Variants in PGM2 observed in about 807,000 individuals in gnomAD.
PGM2 encodes phosphopentomutase.
A neutral mutation model predicts 74.6 loss-of-function variants in PGM2; 57 were observed. The observed-to-expected ratio is 0.76, with a 90% CI of 0.62 to 0.95. The LOEUF (loss-of-function observed/expected upper bound fraction) is 0.95. Ranked by LOEUF, PGM2 falls within the 40% of genes least tolerant of loss-of-function variation. PGM2 has a pLI of 0.00. For missense variants in PGM2, 706 were observed against 741.9 expected (o/e 0.95, Z 0.56); for synonymous variants, 273 against 260.7 (o/e 1.05, Z -0.46).
chr4:37,853,918 A>G (rs1427541129), intron 12 of PGM2, among the ~76,000 whole-genome samples: 2 of 152,206 alleles, frequency 1.3e-5, no homozygotes, highest in Admixed American at 1.3e-4. Flanking sequence ...GCTCAGGGCA[A>G]GGAACCGGGA....
rs1577686936 is a variant in PGM2 at position 37,861,393 on chromosome 4, T to C, written c.1737-117T>C. 7 of 634,556 alleles carry C rather than the reference T, an allele frequency of 1.1e-5. No homozygotes were observed. In the East Asian group the frequency reaches 1.8e-4, roughly 16 times the overall value. 39.3% of individuals were successfully genotyped at this position (634,556 alleles called of 1,614,324 possible). A position where few individuals can be genotyped will look rare whatever the true frequency, so the allele number is the denominator to read the frequency against. On this transcript the variant is annotated intron_variant, in intron 13 of 13. Transcript: ENST00000381967. ...GTCTCTGGAGTTCTCTTTTTTTTCC[T>C]ATTTAGTCCTCTTCTTAAGGTTATA... is the stretch of plus-strand genomic sequence containing the variant.
intron 13 of PGM2, among the ~76,000 whole-genome samples, chr4:37,857,507 A>T (rs151161096): frequency 6.6e-6 from 1 of 152,216 alleles, no homozygotes; most frequent in African/African-American, 2.4e-5. Flanking sequence ...AAACAAAACA[A>T]AACTATAAAA....
chr4:37,849,923 G>T (rs1300993500), intron 11 of PGM2, among the ~76,000 whole-genome samples: 7 of 152,048 alleles, frequency 4.6e-5, no homozygotes, highest in Non-Finnish European at 1.0e-4. Flanking sequence ...GAGTAGCTGG[G>T]ACTACAGGTG....
chr4:37,857,878 A>G (rs1398465714), intron 13 of PGM2, among the ~76,000 whole-genome samples: 11 of 152,186 alleles, frequency 7.2e-5, no homozygotes, highest in Non-Finnish European at 1.3e-4. Context: ...GCTATATTGC[A>G]TATAGTTTTT....
intron 1 of PGM2, among the ~76,000 whole-genome samples, chr4:37,828,377 C>T (rs1374457625): frequency 1.3e-5 from 2 of 150,108 alleles, no homozygotes; most frequent in Middle Eastern, 3.4e-3. Flanking sequence ...TTCTCATGTT[C>T]TATCCTCTGT....
intron 1 of PGM2, among the ~76,000 whole-genome samples, chr4:37,828,604 C>G (rs1725357753): frequency 6.6e-6 from 1 of 152,204 alleles, no homozygotes; most frequent in Non-Finnish European, 1.5e-5. Context: ...GATTCTGATC[C>G]TGCTGTACTC....
chr4:37,849,133 A>G (rs532497437), intron 11 of PGM2, among the ~76,000 whole-genome samples: 78 of 152,190 alleles, frequency 5.1e-4, no homozygotes, highest in African/African-American at 1.8e-3. Flanking sequence ...GATATGTAAC[A>G]AGTTAGTAAT....
intron 10 of PGM2, 45 bp downstream of exon 10, chr4:37,847,340 A>G: frequency 4.3e-6 from 6 of 1,390,634 alleles, no homozygotes; most frequent in Non-Finnish European, 6.1e-6. Flanking sequence ...GCAAGGCAAA[A>G]GGAAAAGGTT....
At chr4:37,839,031 A>T (rs3775792) in intron 4 of PGM2, among the ~76,000 whole-genome samples, 68,199 of 151,606 alleles carry the variant, frequency 0.45, 17,358 homozygotes, top group Non-Finnish European at 0.59. Flanking sequence ...TAGAGATGGG[A>T]GCTAAGTTGA....
intron 13 of PGM2, among the ~76,000 whole-genome samples, chr4:37,859,207 C>A (rs112542964): frequency 1.1e-3 from 164 of 152,254 alleles, no homozygotes; most frequent in African/African-American, 2.8e-3. Context: ...TACTTCATGA[C>A]ACATCATAAG....
Position 37,826,867 on chromosome 4 carries a change from C to T in PGM2, c.81+54C>T. On this transcript the variant is annotated intron_variant, in intron 1 of 13. Transcript: ENST00000381967. ...CTGGAGCGGGGCCGGGTGCTCTGCC[C>T]TCTCCAGGCGCGGCGCTGCTTGCTC... is the stretch of plus-strand genomic sequence containing the variant. 5.2e-6 allele frequency: 6 copies of T among 1,152,602 alleles called. No individual in the cohort carries two copies. In the South Asian group the frequency reaches 6.7e-5, roughly 13 times the overall value. 71.4% of individuals were successfully genotyped at this position (1,152,602 alleles called of 1,614,324 possible). A position where few individuals can be genotyped will look rare whatever the true frequency, so the allele number is the denominator to read the frequency against.
At chr4:37,837,752 T>C (rs779498302) in intron 4 of PGM2, 139 bp downstream of exon 4, 11 of 665,252 alleles carry the variant, frequency 1.7e-5, no homozygotes, top group Non-Finnish European at 3.0e-5. Flanking sequence ...AGACATTTCC[T>C]TCTCTCCTGG....
intron 12 of PGM2, among the ~76,000 whole-genome samples, chr4:37,855,155 T>C (rs1726158985): frequency 6.6e-6 from 1 of 152,200 alleles, no homozygotes. Flanking sequence ...GCTGAAACTT[T>C]AGGCCCTTTG....
chr4:37,829,977 T>G lies in PGM2; in HGVS notation c.95T>G (p.Leu32Trp), dbSNP rs1210498662. The change falls in exon 2 of 14, where the codon TTG becomes TGG. Residue 32 changes from leucine (L) to tryptophan (W), a missense_variant. Coordinates refer to ENST00000381967, the MANE Select transcript of PGM2 (RefSeq NM_018290.4). ...WLRWDKNSLTLEAVKRLIAEG... is the reference protein window; with the variant it reads ...WLRWDKNSLTWEAVKRLIAEG... ...TTTGTTTTTCAGAATTCCTTAACTT[T>G]GGAGGCAGTGAAACGACTAATAGCA... 1.3e-6 allele frequency: 2 copies of G among 1,599,196 alleles called. No individual in the cohort carries two copies. The highest frequency in any genetic ancestry group is 8.5e-7 in the Non-Finnish European group (1 of 1,174,480).
At chr4:37,850,484 G>C (rs768034679) in intron 12 of PGM2, 111 bp downstream of exon 12, 21 of 636,568 alleles carry the variant, frequency 3.3e-5, no homozygotes, top group Non-Finnish European at 4.8e-5. Context: ...AGGCACTTAG[G>C]CGTGATTATA....
chr4:37,853,242 A>G (rs1326540284), intron 12 of PGM2, among the ~76,000 whole-genome samples: 1 of 152,096 alleles, frequency 6.6e-6, no homozygotes, highest in African/African-American at 2.4e-5. Context: ...GGCTCAAGCA[A>G]TCCTCCTGCT....
chr4:37,840,229 T>A lies in PGM2; in HGVS notation c.689T>A (p.Phe230Tyr). 13 of 1,610,946 alleles carry A rather than the reference T, an allele frequency of 8.1e-6. No individual in the cohort carries two copies. The highest frequency in any genetic ancestry group is 8.5e-6 in the Non-Finnish European group (10 of 1,177,060). Residue 230 changes from phenylalanine (F) to tyrosine (Y), a missense_variant, in exon 6 of 14, where the codon TTT becomes TAT. Coordinates refer to ENST00000381967, the MANE Select transcript of PGM2 (RefSeq NM_018290.4). ...AGTGCTTCCATCAATAATGACTACT[T>A]TGAAGACCTTAAAAAGTACTGTTTC... ...NPSASINNDYFEDLKKYCFHR... is the reference protein window; with the variant it reads ...NPSASINNDYYEDLKKYCFHR...
Position 37,847,210 on chromosome 4 carries a change from A to C in PGM2, c.1197A>C (p.Leu399Phe). ...TTGGATTATCCCTTTAGGAAACATT[A>C]ACTGGCTTTAAGTGGATGGGAAACA... ...LKEGFHFEETLTGFKWMGNRA... is the reference protein window; with the variant it reads ...LKEGFHFEETFTGFKWMGNRA... Residue 399 changes from leucine (L) to phenylalanine (F), a missense_variant, in exon 10 of 14, where the codon TTA becomes TTC. Leu to Phe is a conservative substitution (Grantham distance 22). This residue lies in a region of PGM2 where 359 missense variants were observed against 371.1 expected (regional missense o/e 0.97). Coordinates refer to ENST00000381967, the MANE Select transcript of PGM2 (RefSeq NM_018290.4). 1 of 1,613,384 alleles carries C rather than the reference A, an allele frequency of 6.2e-7. No homozygotes were observed. The highest frequency in any genetic ancestry group is 8.5e-7 in the Non-Finnish European group (1 of 1,179,298).
intron 10 of PGM2, 35 bp from the exon 11 acceptor site, chr4:37,848,486 AT>A: frequency 6.3e-7 from 1 of 1,588,904 alleles, no homozygotes; most frequent in South Asian, 1.1e-5. Context: ...TTGACACAGT[AT>A]TGTATAGATG....
Sources: gnomAD v4.1 joint callset for allele counts (sites outside exome capture counted in the v4.1 genomes callset) on GRCh38, gnomAD v4.1.1 for gene constraint, gnomAD v4.1.1 regional missense constraint, MANE v1.5 for transcripts, NCBI Gene and HGNC (gene_info 2026-07-23, HGNC 2026-07-21) for gene names.